The following RGPD3 variants were observed in gnomAD, a reference collection of about 807,000 sequenced individuals.
The protein encoded by RGPD3 is ranBP2-like and GRIP domain-containing protein 3.
Under a neutral mutation model 154.5 loss-of-function variants are expected in RGPD3, and 62 were observed. The ratio of observed to expected loss-of-function variants is 0.40; its 90% CI spans 0.33 to 0.50. RGPD3 has a LOEUF of 0.50. RGPD3 is among the 20% of genes least tolerant of loss of function. RGPD3 has a pLI of 0.59. For missense variants in RGPD3, 919 were observed against 1,716.8 expected, an observed-to-expected ratio of 0.54 and a Z score of 8.21; for synonymous variants, 308 against 607.0, an observed-to-expected ratio of 0.51 and a Z score of 7.24.
intron 9 of RGPD3, among the ~76,000 whole-genome samples, chr2:106,438,305 G>A (rs1677636475): frequency 6.6e-6 from 1 of 151,584 alleles, no homozygotes; most frequent in Non-Finnish European, 1.5e-5. Context: ...GGCAACAAAG[G>A]GAGACCCTGT....
At position 106,405,033 on chromosome 2, in the gene RGPD3, T is replaced by G; in HGVS notation, c.*186A>C. 1.4e-6 allele frequency: 1 copy of G among 709,658 alleles called. No homozygotes were observed. Among genetic ancestry groups the G allele is most frequent in the Non-Finnish European group, 2.4e-6 (1 of 424,868 alleles). 44.0% of individuals were successfully genotyped at this position (709,658 alleles called of 1,614,324 possible). A position where few individuals can be genotyped will look rare whatever the true frequency, so the allele number is the denominator to read the frequency against. On this transcript the variant is annotated 3_prime_UTR_variant, in exon 23 of 23. Transcript: ENST00000409886. ...AAACTTTTAAAATACATCTGTCATA[T>G]AGATGTACAAATATATGTAAATGCA...
At chr2:106,449,202 C>T (rs1678031961) in intron 6 of RGPD3, among the ~76,000 whole-genome samples, 1 of 150,940 alleles carries the variant, frequency 6.6e-6, no homozygotes, top group African/African-American at 2.4e-5. Flanking sequence ...CGGTGGCTCA[C>T]ACATGTAATT....
chr2:106,449,630 C>T lies in RGPD3; in HGVS notation c.783-2017G>A, dbSNP rs1466469647. On this transcript the variant is annotated intron_variant, in intron 6 of 22. Coordinates refer to ENST00000409886, the MANE Select transcript of RGPD3 (RefSeq NM_001144013.2). ...CAGTGGCTCAGACCTGCAATCCCAG[C>T]ACTTTGGAAGGCCAAGGCAGGCAGA... 5.9e-5 allele frequency among the ~76,000 whole-genome samples: 9 copies of T among 152,168 alleles called. No homozygotes were observed. The East Asian group carries it at 1.2e-3, about 20-fold the overall frequency.
intron 1 of RGPD3, among the ~76,000 whole-genome samples, chr2:106,467,602 A>C (rs866450896): frequency 8.1e-6 from 1 of 123,684 alleles, no homozygotes. Context: ...CTGAGCCATC[A>C]AGGCAGCCGC....
intron 1 of RGPD3, among the ~76,000 whole-genome samples, chr2:106,464,108 G>A (rs1002129454): frequency 2.0e-5 from 3 of 152,182 alleles, no homozygotes; most frequent in African/African-American, 7.2e-5. Flanking sequence ...CACTTTGGGA[G>A]GCTGAGGCAG....
At chr2:106,446,743 T>G (rs1192714567) in intron 7 of RGPD3, among the ~76,000 whole-genome samples, 265 of 135,984 alleles carry the variant, frequency 1.9e-3, no homozygotes, top group African/African-American at 6.8e-3. Flanking sequence ...TTAGCTGGGC[T>G]TGGTAGCACG....
chr2:106,408,717 G>A (rs1161601807), intron 22 of RGPD3, among the ~76,000 whole-genome samples: 1 of 151,672 alleles, frequency 6.6e-6, no homozygotes, highest in Non-Finnish European at 1.5e-5. Flanking sequence ...CTGTTGCCCA[G>A]GCTGAAATGC....
rs1280087680 is a variant in RGPD3, at chr2:106,463,041, A to G, written c.73-3709T>C. Reference sequence around the variant, plus strand: ...AGGGTAAGAAATGGTCAAAGAAATAATACAAGAAATGCTACAGAACTGAAA... The same window carrying G: ...AGGGTAAGAAATGGTCAAAGAAATAGTACAAGAAATGCTACAGAACTGAAA... On this transcript the variant is annotated intron_variant, in intron 1 of 22. Transcript: ENST00000409886. Among the ~76,000 whole-genome samples the G allele has an allele frequency of 3.3e-5, 5 of 151,304 alleles. 1 individual carries two copies. The highest frequency in any genetic ancestry group is 2.4e-5 in the African/African-American group (1 of 41,178).
At chr2:106,414,235 G>A (rs1676753233) in intron 21 of RGPD3, among the ~76,000 whole-genome samples, 1 of 152,024 alleles carries the variant, frequency 6.6e-6, no homozygotes, top group African/African-American at 2.4e-5. Context: ...GGTTAGGCAA[G>A]AAAGTTAGCG....
chr2:106,445,286 C>A (rs1317530231), intron 7 of RGPD3, among the ~76,000 whole-genome samples: 4 of 149,792 alleles, frequency 2.7e-5, no homozygotes, highest in Admixed American at 2.7e-4. Flanking sequence ...GAGACTCCGT[C>A]TCAAAAAAAA....
intron 15 of RGPD3, 92 bp downstream of exon 15, chr2:106,434,136 A>G: frequency 1.9e-6 from 3 of 1,598,112 alleles, no homozygotes; most frequent in East Asian, 2.3e-5. Flanking sequence ...ATTACTGAGT[A>G]TTTTTTGAAA....
chr2:106,405,591 G>C (rs1485392624), intron 22 of RGPD3, among the ~76,000 whole-genome samples: 2 of 152,096 alleles, frequency 1.3e-5, no homozygotes, highest in African/African-American at 2.4e-5. Flanking sequence ...TTCCAGGCTG[G>C]TCTCAAATTC....
chr2:106,409,940 A>G (rs1006797417), intron 22 of RGPD3, among the ~76,000 whole-genome samples: 7 of 143,510 alleles, frequency 4.9e-5, no homozygotes, highest in Non-Finnish European at 1.0e-4. Context: ...CAATGGCACC[A>G]TCTCGGCTCA....
intron 1 of RGPD3, among the ~76,000 whole-genome samples, chr2:106,466,019 A>G (rs1678566527): frequency 6.6e-6 from 1 of 151,906 alleles, no homozygotes; most frequent in African/African-American, 2.4e-5. Flanking sequence ...CCGCCGCAGC[A>G]TATAAAGTAA....
chr2:106,414,843 C>G (rs937416531), intron 21 of RGPD3, among the ~76,000 whole-genome samples: 16 of 151,616 alleles, frequency 1.1e-4, no homozygotes, highest in Non-Finnish European at 2.2e-4. Context: ...TGGCCTTGCA[C>G]AGTGGCAGGA....
intron 20 of RGPD3, among the ~76,000 whole-genome samples, chr2:106,417,859 G>C (rs1423551952): frequency 6.6e-6 from 1 of 151,028 alleles, no homozygotes; most frequent in African/African-American, 2.5e-5. Flanking sequence ...GCCGGGCGTG[G>C]TGGCTCAAAT....
intron 1 of RGPD3, among the ~76,000 whole-genome samples, chr2:106,467,846 T>C (rs1468953705): frequency 7.5e-6 from 1 of 132,824 alleles, no homozygotes; most frequent in Non-Finnish European, 1.6e-5. Context: ...GCAGCGCCCG[T>C]CGGGAGCCAT....
chr2:106,449,466 C>CAAAA (rs1160792236), intron 6 of RGPD3, among the ~76,000 whole-genome samples: 14 of 56,788 alleles, frequency 2.5e-4, no homozygotes, highest in African/African-American at 6.2e-4. Context: ...AACTCTGTCT[C>CAAAA]AAAAAAAAAA....
intron 20 of RGPD3, among the ~76,000 whole-genome samples, chr2:106,420,205 G>C (rs1192780339): frequency 7.3e-6 from 1 of 136,540 alleles, no homozygotes; most frequent in African/African-American, 2.7e-5. Context: ...CATCTAGTTT[G>C]CCTGTGTTCA....
Sources: allele counts gnomAD v4.1 joint callset (sites outside exome capture counted in the v4.1 genomes callset), GRCh38; gene constraint gnomAD v4.1.1; transcripts MANE v1.5; gene names NCBI Gene and HGNC (gene_info 2026-07-23, HGNC 2026-07-21).